SLC18A1: variants seen among roughly 807,000 people sequenced by gnomAD.
The protein encoded by SLC18A1 is chromaffin granule amine transporter.
Under a neutral mutation model 53.7 loss-of-function variants are expected in SLC18A1, and 69 were observed. The observed-to-expected ratio is 1.28, with a 90% CI of 1.06 to 1.57. The LOEUF is 1.57. SLC18A1 is among the 40% of genes most tolerant of loss of function. The pLI, the probability that SLC18A1 is intolerant of heterozygous loss-of-function variation, is 0.00. For missense variants in SLC18A1, 932 were observed against 668.1 expected (o/e 1.40, Z -4.35); for synonymous variants, 320 against 248.1 (o/e 1.29, Z -2.72).
Position 20,171,485 on chromosome 8 carries a change from G to C in SLC18A1, c.734C>G (p.Pro245Arg). The change falls in exon 7 of 16, where the codon CCC becomes CGC. Residue 245 changes from proline to arginine, a missense_variant. By Grantham distance (103) the Pro-to-Arg change is moderately radical (BLOSUM62 -2). Coordinates refer to ENST00000276373, the MANE Select transcript of SLC18A1 (RefSeq NM_003053.4). ...GLALGLLVGA[P>R]FGSVMYEFVG... ...AAACTCGTACATTACACTTCCAAAGGGAGCTCCCACTGGAGAGGCATAGGA... is the reference window on the plus strand; with the variant it reads ...AAACTCGTACATTACACTTCCAAAGCGAGCTCCCACTGGAGAGGCATAGGA... The C allele has an allele frequency of 6.2e-7, 1 of 1,613,948 alleles. No individual in the cohort carries two copies. Among genetic ancestry groups the C allele is most frequent in the Non-Finnish European group, 8.5e-7 (1 of 1,179,838 alleles).
intron 6 of SLC18A1, among the ~76,000 whole-genome samples, chr8:20,172,632 G>A (rs2072151910): frequency 6.6e-6 from 1 of 152,080 alleles, no homozygotes; most frequent in Non-Finnish European, 1.5e-5. Context: ...TGGTGTTTTC[G>A]CCATTCTTAT....
At chr8:20,179,011 G>A in intron 3 of SLC18A1, 110 bp downstream of exon 3, 1 of 1,325,946 alleles carries the variant, frequency 7.5e-7, no homozygotes. Context: ...ACTCCCCTGA[G>A]GAATCATACA....
At chr8:20,166,289 C>CCATA (rs2071957657) in intron 8 of SLC18A1, among the ~76,000 whole-genome samples, 2 of 107,256 alleles carry the variant, frequency 1.9e-5, no homozygotes, top group South Asian at 3.1e-4. Context: ...GTGTGTGTGT[C>CCATA]TATATATATA....
intron 15 of SLC18A1, among the ~76,000 whole-genome samples, chr8:20,146,439 T>C (rs2071400228): frequency 6.6e-6 from 1 of 152,178 alleles, no homozygotes; most frequent in East Asian, 1.9e-4. Flanking sequence ...GGAAGCCAAA[T>C]GGAATCACCA....
intron 6 of SLC18A1, 67 bp downstream of exon 6, chr8:20,172,968 AC>A: frequency 8.9e-7 from 1 of 1,128,258 alleles, no homozygotes. Context: ...CGTCTTCTAC[AC>A]CTCGGGAACA....
At chr8:20,177,298 T>G (rs2072275935) in intron 4 of SLC18A1, among the ~76,000 whole-genome samples, 1 of 152,158 alleles carries the variant, frequency 6.6e-6, no homozygotes, top group Non-Finnish European at 1.5e-5. Context: ...AAATTCTTGT[T>G]AAATATTGGG....
chr8:20,170,550 T>A (rs6997438), intron 8 of SLC18A1, among the ~76,000 whole-genome samples: 1 of 152,062 alleles, frequency 6.6e-6, no homozygotes, highest in African/African-American at 2.4e-5. Context: ...TTTCCAGAGC[T>A]GTTTTTGGCT....
rs199809287 is a variant in SLC18A1 at position 20,173,113 on chromosome 8, G to C, written c.647C>G (p.Ala216Gly). 17 of 1,574,552 alleles carry C rather than the reference G, an allele frequency of 1.1e-5. No homozygotes were observed. The highest frequency in any genetic ancestry group is 1.7e-4 in the Middle Eastern group (1 of 6,020). Residue 216 changes from alanine to glycine, a missense_variant, in exon 6 of 16, where the codon GCC (alanine) becomes GGC (glycine). Coordinates refer to ENST00000276373, the MANE Select transcript of SLC18A1 (RefSeq NM_003053.4). ...CTCATGGTCATCAGTGTAGACACTG[G>C]CCAGCATTCCAAGACCTGCGCAGAG... ...FSSVAGLGML[A>G]SVYTDDHERG...
At chr8:20,155,485 C>T (rs2071660411) in intron 10 of SLC18A1, among the ~76,000 whole-genome samples, 1 of 152,146 alleles carries the variant, frequency 6.6e-6, no homozygotes, top group South Asian at 2.1e-4. Context: ...TTGGGGGAAG[C>T]CGAAGGCCGA....
chr8:20,155,387 T>C (rs1286154173), intron 10 of SLC18A1, among the ~76,000 whole-genome samples: 1 of 152,194 alleles, frequency 6.6e-6, no homozygotes, highest in Non-Finnish European at 1.5e-5. Context: ...TGGGAGGCTT[T>C]CTGGGAAAAG....
chr8:20,164,997 G>A (rs774306594), intron 9 of SLC18A1, 33 bp from the exon 10 acceptor site: 1 of 1,613,476 alleles, frequency 6.2e-7, no homozygotes, highest in African/African-American at 1.3e-5. Flanking sequence ...AGCCGTGGCT[G>A]CTTGAAGCCC....
At position 20,171,596 on chromosome 8, in the gene SLC18A1, G is replaced by C. The variant is rs905391202; in HGVS notation, c.725-102C>G. 4.6e-6 allele frequency: 4 copies of C among 873,606 alleles called. No individual in the cohort carries two copies. In the Admixed American group the frequency reaches 5.7e-5, roughly 12 times the overall value. The allele number at this position is 873,606 out of a possible 1,614,324, so 54.1% of individuals were successfully genotyped here. A position where few individuals can be genotyped will look rare whatever the true frequency, so the allele number is the denominator to read the frequency against. On this transcript the variant is annotated intron_variant, in intron 6 of 15. Coordinates refer to ENST00000276373, the MANE Select transcript of SLC18A1 (RefSeq NM_003053.4). ...GTGAGCATTTGCAGAAGGCCTGCTA[G>C]GGGCTAAGCTCCACCTGAGGCTCTG... is the stretch of plus-strand genomic sequence containing the variant.
rs2072348517 is a variant in SLC18A1, at chr8:20,179,247, T to C, written c.362A>G (p.His121Arg). 1.9e-6 allele frequency: 3 copies of C among 1,612,108 alleles called. No homozygotes were observed. The highest frequency in any genetic ancestry group is 1.3e-5 in the African/African-American group (1 of 74,904). Residue 121 changes from histidine to arginine, a missense_variant, in exon 3 of 16, where the codon CAT (histidine) becomes CGT (arginine). Physicochemically the swap from His to Arg is conservative, Grantham distance 29. Coordinates refer to ENST00000276373, the MANE Select transcript of SLC18A1 (RefSeq NM_003053.4). ...PPPATEAISA[H>R]KNNCLQGTGF... is the part of the protein sequence containing the mutation. ...TGTGCCTTGCAAGCAGTTGTTTTTA[T>C]GAGCTGAGATGGCTTCAGTGGCTGG...
At chr8:20,156,684 A>G (rs1270946511) in intron 10 of SLC18A1, among the ~76,000 whole-genome samples, 4 of 152,334 alleles carry the variant, frequency 2.6e-5, no homozygotes, top group African/African-American at 4.8e-5. Context: ...CAGGATAAAC[A>G]GGATCCATCT....
intron 10 of SLC18A1, among the ~76,000 whole-genome samples, chr8:20,155,096 G>A (rs935663069): frequency 1.3e-5 from 2 of 152,120 alleles, no homozygotes; most frequent in Non-Finnish European, 2.9e-5. Flanking sequence ...CATGGCCCAA[G>A]GTTCCATTCC....
At position 20,182,739 on chromosome 8, in the gene SLC18A1, G is replaced by A. The variant is rs148995165; in HGVS notation, c.-124+324C>T. On this transcript the variant is annotated intron_variant, in intron 1 of 15. Coordinates refer to ENST00000276373, the MANE Select transcript of SLC18A1 (RefSeq NM_003053.4). ...AGGTCCTAAGTGAACCAAATTCTCA[G>A]TTAAGTTTTAACCAGTAAATGCATG... 6.0e-3 allele frequency among the ~76,000 whole-genome samples: 913 copies of A among 152,236 alleles called. 9 individuals carry two copies. Among genetic ancestry groups the A allele is most frequent in the African/African-American group, 0.021 (872 of 41,522 alleles).
intron 13 of SLC18A1, 93 bp from the exon 14 acceptor site, chr8:20,147,815 C>A: frequency 6.5e-7 from 1 of 1,549,728 alleles, no homozygotes. Flanking sequence ...GCTTTGTCTG[C>A]TGTCTTCTGC....
chr8:20,155,571 T>A (rs1178287427), intron 10 of SLC18A1, among the ~76,000 whole-genome samples: 1 of 152,216 alleles, frequency 6.6e-6, no homozygotes, highest in East Asian at 1.9e-4. Context: ...AAGTCTCTAC[T>A]CTATAGTTGC....
chr8:20,149,962 A>G (rs543284256), intron 11 of SLC18A1, among the ~76,000 whole-genome samples: 1 of 152,036 alleles, frequency 6.6e-6, no homozygotes, highest in Non-Finnish European at 1.5e-5. Context: ...GTGCCGTGGG[A>G]CACACTCTTC....
Sources: gnomAD v4.1 joint callset for allele counts (sites outside exome capture counted in the v4.1 genomes callset) on GRCh38, gnomAD v4.1.1 for gene constraint, MANE v1.5 for transcripts, NCBI Gene and HGNC (gene_info 2026-07-23, HGNC 2026-07-21) for gene names.